The following MAPK9 variants were observed in gnomAD, a reference collection of about 807,000 sequenced individuals.
The protein encoded by MAPK9 is Jun kinase.
Under a neutral mutation model 57.1 loss-of-function variants are expected in MAPK9, and 30 were observed. That is an observed-to-expected ratio of 0.53 (90% CI 0.39 to 0.71). MAPK9 has a LOEUF of 0.71. Ranked by LOEUF, MAPK9 falls within the 30% of genes least tolerant of loss-of-function variation. The pLI, the probability that MAPK9 is intolerant of heterozygous loss-of-function variation, is 0.00. For synonymous variants in MAPK9, 155 were observed against 177.0 expected (o/e 0.88, Z 0.99); for missense variants, 362 against 521.0 (o/e 0.69, Z 2.97).
chr5:180,273,263 G>C (rs1300237838), intron 2 of MAPK9, among the ~76,000 whole-genome samples: 2 of 151,972 alleles, frequency 1.3e-5, no homozygotes, highest in African/African-American at 4.8e-5. Context: ...CTGAACAAGA[G>C]ATTTTTTTTC....
At chr5:180,249,706 G>A (rs1758481422) in intron 5 of MAPK9, among the ~76,000 whole-genome samples, 1 of 152,192 alleles carries the variant, frequency 6.6e-6, no homozygotes, top group Non-Finnish European at 1.5e-5. Context: ...ATGCTCAACA[G>A]CATGCAGAAA....
chr5:180,245,889 C>T (rs1561788564), intron 7 of MAPK9: 1 of 152,146 alleles, frequency 6.6e-6, no homozygotes, highest in Non-Finnish European at 1.5e-5. Context: ...TTTTCTATCT[C>T]CCAAATTTCA....
Position 180,247,297 on chromosome 5 carries a change from C to T in MAPK9, c.688+142G>A. On this transcript the variant is annotated intron_variant, in intron 7 of 11. Coordinates refer to ENST00000452135, the MANE Select transcript of MAPK9 (RefSeq NM_002752.5). The surrounding 1 kb of genome is among the most constrained non-coding windows in gnomAD (Gnocchi z 4.5). The stretch of plus-strand genomic sequence containing the variant: ...CCACTTGGCTTGTGACACTAATTAA[C>T]AAATACAGTAAAGCCCCCCTTAGAA... The T allele has an allele frequency of 1.2e-6, 1 of 827,344 alleles. No homozygotes were observed. The highest frequency in any genetic ancestry group is 1.9e-6 in the Non-Finnish European group (1 of 519,746). The allele number at this position is 827,344 out of a possible 1,614,324, so 51.3% of individuals were successfully genotyped here.
chr5:180,267,406 CA>C (rs530131716), intron 3 of MAPK9, among the ~76,000 whole-genome samples: 1 of 151,326 alleles, frequency 6.6e-6, no homozygotes, highest in Non-Finnish European at 1.5e-5. Flanking sequence ...ACTAAAAATA[CA>C]AAAAATTAGC....
chr5:180,283,599 T>C (rs1762492545), intron 1 of MAPK9, among the ~76,000 whole-genome samples: 1 of 152,214 alleles, frequency 6.6e-6, no homozygotes, highest in African/African-American at 2.4e-5. Context: ...ATTTGGGGAG[T>C]ATATTCACTC....
intron 1 of MAPK9, among the ~76,000 whole-genome samples, chr5:180,284,522 G>A (rs1039160956): frequency 1.3e-5 from 2 of 152,228 alleles, no homozygotes; most frequent in African/African-American, 4.8e-5. Flanking sequence ...TGAGGAAACA[G>A]GCACTTTCAT....
chr5:180,273,049 G>T (rs930097910), intron 2 of MAPK9, among the ~76,000 whole-genome samples: 3 of 152,148 alleles, frequency 2.0e-5, no homozygotes, highest in Non-Finnish European at 4.4e-5. Context: ...ACCAGCACTT[G>T]GTATCACCAA....
chr5:180,254,554 T>C (rs1197452168), intron 5 of MAPK9, among the ~76,000 whole-genome samples: 1 of 152,168 alleles, frequency 6.6e-6, no homozygotes, highest in Non-Finnish European at 1.5e-5. Flanking sequence ...AAAGAAATGA[T>C]ATAAATTTCT....
chr5:180,263,210 G>A (rs1362974088), intron 4 of MAPK9: 1 of 152,134 alleles, frequency 6.6e-6, no homozygotes, highest in Non-Finnish European at 1.5e-5. Context: ...AAAAATCTAG[G>A]TGTCATTCTC....
chr5:180,271,810 T>TA (rs1195623905), intron 2 of MAPK9, among the ~76,000 whole-genome samples: 16 of 152,264 alleles, frequency 1.1e-4, no homozygotes, highest in Admixed American at 2.0e-4. Context: ...GATTCTCTTA[T>TA]ATTTCATCAA....
At chr5:180,251,829 T>C (rs1758734536) in intron 5 of MAPK9, among the ~76,000 whole-genome samples, 1 of 151,768 alleles carries the variant, frequency 6.6e-6, no homozygotes. Flanking sequence ...GCAGCATGAG[T>C]GGGGCAGGTG....
chr5:180,287,798 T>A (rs544480006), intron 1 of MAPK9, among the ~76,000 whole-genome samples: 1 of 152,334 alleles, frequency 6.6e-6, no homozygotes, highest in African/African-American at 2.4e-5. Flanking sequence ...ACCCTCCCAG[T>A]ATTCGCTTTA....
intron 1 of MAPK9, among the ~76,000 whole-genome samples, chr5:180,287,969 G>A (rs190791850): frequency 6.6e-6 from 1 of 152,300 alleles, no homozygotes; most frequent in Non-Finnish European, 1.5e-5. Context: ...GCTGGGAGCA[G>A]TGGTTAAGAT....
intron 1 of MAPK9, among the ~76,000 whole-genome samples, chr5:180,284,186 A>T (rs74759388): frequency 1.0e-3 from 156 of 152,320 alleles, no homozygotes; most frequent in African/African-American, 2.9e-3. Context: ...CAGTTTTACA[A>T]ATCGGGAAGT....
intron 7 of MAPK9, chr5:180,246,132 G>A (rs1395376767): frequency 6.6e-6 from 1 of 152,096 alleles, no homozygotes; most frequent in Non-Finnish European, 1.5e-5. Flanking sequence ...AACAAGGAAT[G>A]GCACAAAATG....
At chr5:180,238,729 C>G (rs1757404816) in intron 10 of MAPK9, among the ~76,000 whole-genome samples, 1 of 151,774 alleles carries the variant, frequency 6.6e-6, no homozygotes, top group African/African-American at 2.4e-5. Flanking sequence ...ATGCCTCAGC[C>G]ATCCAAATTG....
chr5:180,242,189 T>G (rs1757726078), intron 8 of MAPK9, among the ~76,000 whole-genome samples: 1 of 152,170 alleles, frequency 6.6e-6, no homozygotes, highest in Non-Finnish European at 1.5e-5. Context: ...ACAATCACAC[T>G]GTAGTAAAGG....
chr5:180,273,386 AT>A (rs879461582), intron 2 of MAPK9, among the ~76,000 whole-genome samples: 40 of 148,570 alleles, frequency 2.7e-4, no homozygotes, highest in South Asian at 1.5e-3. Context: ...TTCTATGATA[AT>A]TTTTTTTTTT....
At chr5:180,264,402 A>T (rs1023548563) in intron 4 of MAPK9, among the ~76,000 whole-genome samples, 4 of 152,212 alleles carry the variant, frequency 2.6e-5, no homozygotes, top group Admixed American at 2.0e-4. Context: ...AGATTCTGGA[A>T]ATACAGAATC....
Sources: allele counts gnomAD v4.1 joint callset (sites outside exome capture counted in the v4.1 genomes callset), GRCh38; gene constraint gnomAD v4.1.1; non-coding constraint Gnocchi (gnomAD v3.1); transcripts MANE v1.5; gene names NCBI Gene and HGNC (gene_info 2026-07-23, HGNC 2026-07-21).